The following ASTN2 variants were observed in gnomAD, a reference collection of about 807,000 sequenced individuals.
ASTN2 encodes the protein astrotactin-2.
In ASTN2, 54 loss-of-function variants were observed where a neutral mutation model predicts 139.8. The observed-to-expected ratio is 0.39, with a 90% CI of 0.31 to 0.48. The LOEUF is 0.48. ASTN2 is among the 20% of genes least tolerant of loss of function. The probability of loss-of-function intolerance (pLI) is 0.95; values close to 1 mark genes in which losing one functional copy is unlikely to be tolerated. For synonymous variants in ASTN2, 756 were observed against 719.5 expected (o/e 1.05, Z -0.81); for missense variants, 1,565 against 1,725.1 (o/e 0.91, Z 1.64).
chr9:117,258,110 C>T (rs1356028988), intron 2 of ASTN2, among the ~76,000 whole-genome samples: 1 of 152,200 alleles, frequency 6.6e-6, no homozygotes, highest in East Asian at 1.9e-4. Context: ...TGGCCCATCT[C>T]TATAGCCTTG....
chr9:117,039,200 C>T (rs1323357404), intron 6 of ASTN2, among the ~76,000 whole-genome samples: 1 of 152,052 alleles, frequency 6.6e-6, no homozygotes, highest in Non-Finnish European at 1.5e-5. Context: ...GTAGTCTTTA[C>T]TGGATAAAGA....
chr9:117,103,391 A>G (rs1829028811), intron 4 of ASTN2, among the ~76,000 whole-genome samples: 1 of 152,156 alleles, frequency 6.6e-6, no homozygotes, highest in African/African-American at 2.4e-5. Context: ...TAGATGGCAT[A>G]GATATTTGGT....
At chr9:117,211,706 G>A (rs1832136307) in intron 3 of ASTN2, among the ~76,000 whole-genome samples, 1 of 152,130 alleles carries the variant, frequency 6.6e-6, no homozygotes, top group Non-Finnish European at 1.5e-5. Context: ...ATTCGGAAAA[G>A]TTCTAGGATG....
chr9:117,204,762 A>G (rs764969852), intron 3 of ASTN2, among the ~76,000 whole-genome samples: 1 of 152,208 alleles, frequency 6.6e-6, no homozygotes, highest in Non-Finnish European at 1.5e-5. Context: ...AAAAAACCAA[A>G]CAAACAACAA....
intron 3 of ASTN2, among the ~76,000 whole-genome samples, chr9:117,153,697 G>T (rs932536357): frequency 6.6e-6 from 1 of 152,044 alleles, no homozygotes; most frequent in Non-Finnish European, 1.5e-5. Flanking sequence ...TGAAATAAAT[G>T]GTCCTCCTCA....
At chr9:116,753,475 A>T (rs1356144199) in intron 13 of ASTN2, among the ~76,000 whole-genome samples, 1 of 152,234 alleles carries the variant, frequency 6.6e-6, no homozygotes, top group East Asian at 1.9e-4. Flanking sequence ...AACCCATAGA[A>T]CTATACAACA....
chr9:116,481,125 T>C (rs1385948038), intron 20 of ASTN2, among the ~76,000 whole-genome samples: 2 of 152,052 alleles, frequency 1.3e-5, no homozygotes, highest in African/African-American at 4.8e-5. Flanking sequence ...TGGTTGCACA[T>C]GCCTGTAATC....
At chr9:116,943,667 A>C (rs1400358962) in intron 10 of ASTN2, among the ~76,000 whole-genome samples, 1 of 152,202 alleles carries the variant, frequency 6.6e-6, no homozygotes, top group Non-Finnish European at 1.5e-5. Context: ...TCCCCAACAT[A>C]AAATCCCTAT....
At chr9:117,249,325 C>A (rs1213334445) in intron 2 of ASTN2, among the ~76,000 whole-genome samples, 1 of 152,210 alleles carries the variant, frequency 6.6e-6, no homozygotes, top group Non-Finnish European at 1.5e-5. Context: ...TCTGTCCTTT[C>A]TGTTTAATCT....
intron 13 of ASTN2, among the ~76,000 whole-genome samples, chr9:116,745,990 G>C (rs1254459484): frequency 6.6e-6 from 1 of 151,834 alleles, no homozygotes; most frequent in Non-Finnish European, 1.5e-5. Flanking sequence ...GGGGAGAGTT[G>C]ACTTCCTTGC....
At chr9:116,538,171 G>A (rs1255323940) in intron 19 of ASTN2, among the ~76,000 whole-genome samples, 1 of 152,038 alleles carries the variant, frequency 6.6e-6, no homozygotes, top group East Asian at 1.9e-4. Flanking sequence ...AGAAATAAAG[G>A]AAAGAAGAAA....
At chr9:116,836,147 C>T (rs1312037067) in intron 11 of ASTN2, among the ~76,000 whole-genome samples, 2 of 152,138 alleles carry the variant, frequency 1.3e-5, no homozygotes, top group African/African-American at 4.8e-5. Flanking sequence ...GGATCTCTTC[C>T]TGGATGGGAG....
chr9:116,583,823 T>C (rs761379348), intron 19 of ASTN2: 11 of 152,164 alleles, frequency 7.2e-5, no homozygotes, highest in Non-Finnish European at 1.3e-4. Context: ...GCTTCTGTTG[T>C]ACATGAATTT....
intron 15 of ASTN2, among the ~76,000 whole-genome samples, 165 bp from the exon 16 acceptor site, chr9:116,726,115 C>G (rs1004369245): frequency 6.6e-6 from 1 of 152,112 alleles, no homozygotes; most frequent in Non-Finnish European, 1.5e-5. Context: ...AATTCCCTCA[C>G]TTAAATAGCA....
chr9:116,565,389 A>T (rs5017820), intron 19 of ASTN2, among the ~76,000 whole-genome samples: 4 of 17,894 alleles, frequency 2.2e-4, no homozygotes, highest in Admixed American at 9.8e-4. Context: ...CTCTCTCTCC[A>T]TATATATATA....
intron 19 of ASTN2, among the ~76,000 whole-genome samples, chr9:116,597,136 C>T (rs1854617639): frequency 6.6e-6 from 1 of 151,972 alleles, no homozygotes; most frequent in Admixed American, 6.6e-5. Context: ...TGGCTTCCAT[C>T]TTTTTCTGGC....
intron 19 of ASTN2, chr9:116,585,708 A>T (rs1456025458): frequency 6.6e-6 from 1 of 152,238 alleles, no homozygotes; most frequent in Non-Finnish European, 1.5e-5. Flanking sequence ...CTCCAACTAT[A>T]AGAATCCTAG....
intron 5 of ASTN2, among the ~76,000 whole-genome samples, chr9:117,077,354 G>A (rs896426084): frequency 1.3e-5 from 2 of 152,224 alleles, no homozygotes; most frequent in Middle Eastern, 3.2e-3. Context: ...TCTGTGAGGT[G>A]AGGTGGGGAT....
At chr9:116,983,040 T>C (rs1836556374) in intron 7 of ASTN2, among the ~76,000 whole-genome samples, 1 of 152,188 alleles carries the variant, frequency 6.6e-6, no homozygotes, top group Admixed American at 6.5e-5. Flanking sequence ...AACCCTGTCA[T>C]TCTATGATTC....
Sources: allele counts gnomAD v4.1 joint callset (sites outside exome capture counted in the v4.1 genomes callset), GRCh38; gene constraint gnomAD v4.1.1; transcripts MANE v1.5; gene names NCBI Gene and HGNC (gene_info 2026-07-23, HGNC 2026-07-21).